The following PRKN variants were observed in gnomAD, a reference collection of about 807,000 sequenced individuals.
PRKN encodes the protein E3 ubiquitin-protein ligase parkin.
A neutral mutation model predicts 59.5 loss-of-function variants in PRKN; 56 were observed. The observed-to-expected ratio is 0.94, with a 90% CI of 0.76 to 1.18. The LOEUF (loss-of-function observed/expected upper bound fraction) is 1.18, where lower values mean the gene tolerates loss of function less well. PRKN is among the 50% of genes most tolerant of loss of function. PRKN has a pLI of 0.00. For synonymous variants in PRKN, 250 were observed against 222.1 expected, an observed-to-expected ratio of 1.13 and a Z score of -1.12; for missense variants, 657 against 596.4, an observed-to-expected ratio of 1.10 and a Z score of -1.06.
chr6:162,558,340 T>C (rs947312931), intron 1 of PRKN, among the ~76,000 whole-genome samples: 5 of 151,132 alleles, frequency 3.3e-5, no homozygotes, highest in African/African-American at 4.9e-5. Flanking sequence ...TTTTTTTTTT[T>C]TTTTCTGAGA....
chr6:161,427,043 G>A (rs1023827245), intron 9 of PRKN, among the ~76,000 whole-genome samples: 2 of 151,812 alleles, frequency 1.3e-5, no homozygotes, highest in Non-Finnish European at 2.9e-5. Context: ...TTTGAGACAG[G>A]GTTTTACTCT....
intron 3 of PRKN, among the ~76,000 whole-genome samples, chr6:162,245,528 C>A (rs1418719846): frequency 6.6e-6 from 1 of 151,612 alleles, no homozygotes; most frequent in Non-Finnish European, 1.5e-5. Flanking sequence ...TATAAAATAG[C>A]AAAACAGCTA....
chr6:162,451,665 CA>C (rs1422785724), intron 1 of PRKN, among the ~76,000 whole-genome samples: 1 of 151,678 alleles, frequency 6.6e-6, no homozygotes, highest in East Asian at 1.9e-4. Flanking sequence ...ATTTAATACC[CA>C]AATGGAGATT....
At chr6:162,156,551 G>A (rs961734275) in intron 4 of PRKN, among the ~76,000 whole-genome samples, 4 of 152,126 alleles carry the variant, frequency 2.6e-5, no homozygotes, top group Non-Finnish European at 5.9e-5. Context: ...CATCCAGCAC[G>A]GGAGAAAGAT....
chr6:162,404,357 G>A (rs1390853658), intron 2 of PRKN, among the ~76,000 whole-genome samples: 1 of 148,198 alleles, frequency 6.7e-6, no homozygotes, highest in African/African-American at 2.5e-5. Context: ...GCGACAGAGT[G>A]AGACTCTGTC....
At chr6:161,596,088 C>T (rs1230499407) in intron 7 of PRKN, among the ~76,000 whole-genome samples, 1 of 152,152 alleles carries the variant, frequency 6.6e-6, no homozygotes, top group African/African-American at 2.4e-5. Context: ...AGGAGACTGA[C>T]AGCGTGGAGC....
intron 6 of PRKN, among the ~76,000 whole-genome samples, chr6:161,891,974 T>C (rs1416243556): frequency 9.3e-6 from 1 of 106,998 alleles, no homozygotes; most frequent in Non-Finnish European, 1.7e-5. Context: ...AAGTGGATGG[T>C]TTACGAAATT....
intron 2 of PRKN, among the ~76,000 whole-genome samples, chr6:162,406,428 T>G (rs1788077172): frequency 6.6e-6 from 1 of 152,218 alleles, no homozygotes; most frequent in Non-Finnish European, 1.5e-5. Flanking sequence ...ATTCAACATC[T>G]TCATCAAATA....
intron 2 of PRKN, among the ~76,000 whole-genome samples, chr6:162,433,680 T>G (rs1287310712): frequency 3.4e-5 from 5 of 147,296 alleles, no homozygotes; most frequent in African/African-American, 1.3e-4. Context: ...ACACTAGAAC[T>G]ATCTTAAACA....
rs370584010 is a variant in PRKN at position 162,625,862 on chromosome 6, TAAAC to T, written c.7+101796_7+101799del. 2.0e-3 allele frequency among the ~76,000 whole-genome samples: 312 copies of T among 152,252 alleles called. 3 individuals carry two copies. The highest frequency in any genetic ancestry group is 0.017 in the South Asian group (84 of 4,824). On this transcript the variant is annotated intron_variant, in intron 1 of 11. Coordinates refer to ENST00000366898, the MANE Select transcript of PRKN (RefSeq NM_004562.3). ...ATCCCCATGAAGAAAGTAAGACAAA[TAAAC>T]AAAGCACTAGGAAAGTTACTCCAGT...
At chr6:161,985,131 T>C (rs1194986012) in intron 5 of PRKN, among the ~76,000 whole-genome samples, 1 of 152,232 alleles carries the variant, frequency 6.6e-6, no homozygotes, top group Non-Finnish European at 1.5e-5. Flanking sequence ...ACTTATGCGA[T>C]GTCATCTGCT....
Position 162,362,730 on chromosome 6 carries a change from G to A in PRKN, c.171+80580C>T, listed in dbSNP as rs116714669. Among the ~76,000 whole-genome samples the A allele has an allele frequency of 8.1e-3, 1,230 of 152,150 alleles. 17 individuals are homozygous for A. Among genetic ancestry groups the A allele is most frequent in the African/African-American group, 0.028 (1,150 of 41,506 alleles). The stretch of plus-strand genomic sequence containing the variant: ...CCCTTCCAAAACCAACTGTGAACAA[G>A]CACTCAGGGTGGCCAGGGTACGTGA... On this transcript the variant is annotated intron_variant, in intron 2 of 11. Transcript: ENST00000366898.
chr6:161,991,325 C>T (rs1011896497), intron 5 of PRKN, among the ~76,000 whole-genome samples: 1 of 152,096 alleles, frequency 6.6e-6, no homozygotes, highest in African/African-American at 2.4e-5. Context: ...GTAGAGCAGA[C>T]ACACAAAGGA....
At chr6:161,914,659 T>C (rs761716910) in intron 6 of PRKN, among the ~76,000 whole-genome samples, 9 of 152,114 alleles carry the variant, frequency 5.9e-5, no homozygotes, top group Non-Finnish European at 7.4e-5. Flanking sequence ...ATCTACACTT[T>C]GGCCTCATAC....
intron 1 of PRKN, among the ~76,000 whole-genome samples, chr6:162,646,029 C>T (rs994409286): frequency 6.6e-6 from 1 of 151,860 alleles, no homozygotes; most frequent in Non-Finnish European, 1.5e-5. Context: ...CGCCTGCCAC[C>T]ACGCCTGGCT....
chr6:161,834,542 G>A (rs543537856), intron 6 of PRKN, among the ~76,000 whole-genome samples: 1 of 152,330 alleles, frequency 6.6e-6, no homozygotes, highest in East Asian at 1.9e-4. Context: ...CACCATCAAT[G>A]AGGTAAGATA....
chr6:162,146,454 A>C (rs1320635328), intron 4 of PRKN, among the ~76,000 whole-genome samples: 1 of 150,408 alleles, frequency 6.6e-6, no homozygotes, highest in Non-Finnish European at 1.5e-5. Flanking sequence ...CGATAGATAG[A>C]TAGATATACT....
At chr6:162,630,920 T>C (rs1457555376) in intron 1 of PRKN, among the ~76,000 whole-genome samples, 3 of 152,056 alleles carry the variant, frequency 2.0e-5, no homozygotes, top group Non-Finnish European at 4.4e-5. Flanking sequence ...GCACAAAAAG[T>C]AAAAAATTTT....
chr6:161,770,368 T>C (rs551637245), intron 7 of PRKN, among the ~76,000 whole-genome samples: 9 of 152,268 alleles, frequency 5.9e-5, no homozygotes, highest in East Asian at 1.9e-4. Flanking sequence ...CTGATTGTTA[T>C]AGGATAAAAT....
Sources: allele counts gnomAD v4.1 joint callset (sites outside exome capture counted in the v4.1 genomes callset), GRCh38; gene constraint gnomAD v4.1.1; transcripts MANE v1.5; gene names NCBI Gene and HGNC (gene_info 2026-07-23, HGNC 2026-07-21).